The following HSPG2 variants were observed in gnomAD, a reference collection of about 807,000 sequenced individuals.
HSPG2 encodes the protein heparan sulfate proteoglycan 2.
In HSPG2, 278 loss-of-function variants were observed where a neutral mutation model predicts 526.6. That is an observed-to-expected ratio of 0.53 (90% CI 0.48 to 0.58). The LOEUF is 0.58. Ranked by LOEUF, HSPG2 falls within the 20% of genes least tolerant of loss-of-function variation. HSPG2 has a pLI of 0.00. For missense variants in HSPG2, 5,354 were observed against 6,099.5 expected, an observed-to-expected ratio of 0.88 and a Z score of 4.07; for synonymous variants, 2,465 against 2,555.4, an observed-to-expected ratio of 0.96 and a Z score of 1.07.
intron 1 of HSPG2, among the ~76,000 whole-genome samples, chr1:21,912,444 T>G (rs1643728130): frequency 2.0e-5 from 3 of 152,134 alleles, no homozygotes; most frequent in Admixed American, 6.5e-5. Context: ...GAAACCTGCC[T>G]GCAAAAGGTT....
chr1:21,880,688 C>G lies in HSPG2; in HGVS notation c.1966G>C (p.Ala656Pro), dbSNP rs1314104015. The G allele has an allele frequency of 6.3e-7, 1 of 1,599,750 alleles. No individual in the cohort carries two copies. Among genetic ancestry groups the G allele is most frequent in the Non-Finnish European group, 8.5e-7 (1 of 1,173,594 alleles). Residue 656 changes from alanine to proline, a missense_variant, in exon 15 of 97, where the codon GCT becomes CCT. Ala to Pro is a conservative substitution (Grantham distance 27). Transcript: ENST00000374695. ...AACTGGACCTGGCGCTGGTTCAGAG[C>G]ACCAGGTTGGGTGGGTGTGTGGCCT... is the stretch of plus-strand genomic sequence containing the variant. ...SRGHTPTQPG[A>P]LNQRQVQFSE...
At chr1:21,905,192 C>CAT (rs571926256) in intron 1 of HSPG2, among the ~76,000 whole-genome samples, 72 of 151,020 alleles carry the variant, frequency 4.8e-4, no homozygotes, top group African/African-American at 1.7e-3. Flanking sequence ...CACACACACA[C>CAT]ACACACACAC....
At chr1:21,861,640 G>T in intron 39 of HSPG2, 117 bp downstream of exon 39, 1 of 947,546 alleles carries the variant, frequency 1.1e-6, no homozygotes, top group Non-Finnish European at 1.7e-6. Flanking sequence ...AAGTGTTTGA[G>T]GCAGGGAAGG....
At chr1:21,875,075 C>T in intron 25 of HSPG2, 73 bp from the exon 26 acceptor site, 1 of 1,119,320 alleles carries the variant, frequency 8.9e-7, no homozygotes, top group Non-Finnish European at 1.3e-6. Flanking sequence ...CCTCCACTGG[C>T]AGGGTCTTAT....
At position 21,898,934 on chromosome 1, in the gene HSPG2, C is replaced by T. The variant is rs1642933573; in HGVS notation, c.64-2624G>A. Among the ~76,000 whole-genome samples, 5 of 152,302 alleles carry T rather than the reference C, an allele frequency of 3.3e-5. No homozygotes were observed. The highest frequency in any genetic ancestry group is 2.1e-4 in the South Asian group (1 of 4,826). ...TCCCAGGGAGCAGGGAGCTGGTCAG[C>T]GGGTGGCGGCGGGGGTGGCCTTGGG... On this transcript the variant is annotated intron_variant, in intron 1 of 96. Transcript: ENST00000374695. The surrounding 1 kb of genome is among the most constrained non-coding windows in gnomAD (Gnocchi z 4.0).
chr1:21,822,330 A>G lies in HSPG2; in HGVS notation c.*986T>C, dbSNP rs2097953818. On this transcript the variant is annotated 3_prime_UTR_variant, in exon 97 of 97. Transcript: ENST00000374695. Reference sequence around the variant, plus strand: ...TAGGACACAGAGGCCAGGCGTCCCAACCCCACAGTCTGGGGGCCACTGGCA... The same window carrying G: ...TAGGACACAGAGGCCAGGCGTCCCAGCCCCACAGTCTGGGGGCCACTGGCA... The G allele has an allele frequency of 3.8e-6, 4 of 1,051,882 alleles. No individual in the cohort carries two copies. Among genetic ancestry groups the G allele is most frequent in the East Asian group, 4.9e-5 (2 of 40,570 alleles). The allele number at this position is 1,051,882 out of a possible 1,614,324, so 65.2% of individuals were successfully genotyped here.
rs183252901 is a variant in HSPG2 at position 21,878,745 on chromosome 1, A to C, written c.2472-82T>G. ...CCACCCTGGGAAATGACTGCTGTCT[A>C]CACAGACACAGTGTGCCACGAGGCA... On this transcript the variant is annotated intron_variant, in intron 18 of 96. Transcript: ENST00000374695. 5.9e-6 allele frequency: 8 copies of C among 1,346,202 alleles called. No individual in the cohort carries two copies. The East Asian group carries it at 1.8e-4, about 31-fold the overall frequency. 83.4% of individuals were successfully genotyped at this position (1,346,202 alleles called of 1,614,324 possible). A position where few individuals can be genotyped will look rare whatever the true frequency, so the allele number is the denominator to read the frequency against.
At chr1:21,912,754 C>T (rs574338986) in intron 1 of HSPG2, among the ~76,000 whole-genome samples, 122 of 152,164 alleles carry the variant, frequency 8.0e-4, no homozygotes, top group Non-Finnish European at 1.3e-3. Context: ...CCGAGGCAGG[C>T]GGATTACTTA....
chr1:21,839,565 G>A lies in HSPG2; in HGVS notation c.9710-15C>T, dbSNP rs371522212. 2 of 1,613,220 alleles carry A rather than the reference G, an allele frequency of 1.2e-6. No homozygotes were observed. Among genetic ancestry groups the A allele is most frequent in the African/African-American group, 2.7e-5 (2 of 74,898 alleles). ...CGCGGGGCTGCCTGTGGAGTCGAGT[G>A]GAAGATGACAGAAGTCACTGGGCTA... is the stretch of plus-strand genomic sequence containing the variant. On this transcript the variant is annotated splice_polypyrimidine_tract_variant and intron_variant, in intron 72 of 96. Coordinates refer to ENST00000374695, the MANE Select transcript of HSPG2 (RefSeq NM_005529.7). The surrounding 1 kb of genome is among the most constrained non-coding windows in gnomAD (Gnocchi z 4.5).
rs1314373926 is a variant in HSPG2 at position 21,865,461 on chromosome 1, C to G, written c.4315-96G>C. On this transcript the variant is annotated intron_variant, in intron 34 of 96. Transcript: ENST00000374695. This position sits in a 1 kb window ranked among gnomAD's most constrained non-coding sequence, Gnocchi z 5.4. ...TCCTAGATTCTCTGTAACCCCCAGCCTCCCACCTCTCTGCTCTCCCAAGCT... is the reference window on the plus strand; with the variant it reads ...TCCTAGATTCTCTGTAACCCCCAGCGTCCCACCTCTCTGCTCTCCCAAGCT... 1.7e-6 allele frequency: 2 copies of G among 1,176,756 alleles called. No individual in the cohort carries two copies. Among genetic ancestry groups the G allele is most frequent in the African/African-American group, 3.0e-5 (2 of 66,416 alleles). The allele number at this position is 1,176,756 out of a possible 1,614,324, so 72.9% of individuals were successfully genotyped here. A position where few individuals can be genotyped will look rare whatever the true frequency, so the allele number is the denominator to read the frequency against.
chr1:21,833,469 G>C lies in HSPG2; in HGVS notation c.10976C>G (p.Pro3659Arg). The change falls in exon 79 of 97, where the codon CCA (proline) becomes CGA (arginine). Residue 3659 changes from proline (P) to arginine (R), a missense_variant and splice_region_variant. Pro to Arg is a moderately radical substitution (Grantham distance 103, BLOSUM62 -2). Coordinates refer to ENST00000374695, the MANE Select transcript of HSPG2 (RefSeq NM_005529.7). ...KVKAFAHLQV[P>R]ERVVPYFTQT... The stretch of plus-strand genomic sequence containing the variant: ...AATTCTTAGGGGTGGTGTCTTACCT[G>C]GCACCTGCAGGTGGGCAAAGGCTTT... The C allele has an allele frequency of 6.2e-7, 1 of 1,614,166 alleles. No individual in the cohort carries two copies. Among genetic ancestry groups the C allele is most frequent in the South Asian group, 1.1e-5 (1 of 91,076 alleles).
At chr1:21,884,735 C>G in intron 12 of HSPG2, 32 bp downstream of exon 12, 1 of 1,612,178 alleles carries the variant, frequency 6.2e-7, no homozygotes, top group Non-Finnish European at 8.5e-7. Flanking sequence ...GCTCTGCCCC[C>G]ACACCCGGTG....
Position 21,823,334 on chromosome 1 carries a change from T to C in HSPG2, c.13158A>G (p.Thr4386=). 1.3e-6 allele frequency: 2 copies of C among 1,539,792 alleles called. No individual in the cohort carries two copies. The highest frequency in any genetic ancestry group is 8.7e-7 in the Non-Finnish European group (1 of 1,145,566). ...LQHRAQAGAN[T]RPCPS The stretch of plus-strand genomic sequence containing the variant: ...CAGGTGCCTACGAGGGGCAGGGGCG[T>C]GTGTTGGCCCCGGCCTGGGCGCGGT... The change falls in exon 97 of 97, where the codon ACA becomes ACG. Residue 4386 remains threonine (T), a synonymous_variant. Coordinates refer to ENST00000374695, the MANE Select transcript of HSPG2 (RefSeq NM_005529.7).
intron 1 of HSPG2, among the ~76,000 whole-genome samples, chr1:21,925,977 G>A (rs568272108): frequency 1.7e-3 from 265 of 151,978 alleles, no homozygotes; most frequent in African/African-American, 6.1e-3. Context: ...CTACAGGCAT[G>A]AGCCACCACG....
At position 21,850,510 on chromosome 1, in the gene HSPG2, G is replaced by A. The variant is rs751605962; in HGVS notation, c.7159-12C>T. 4 of 1,602,088 alleles carry A rather than the reference G, an allele frequency of 2.5e-6. No homozygotes were observed. In the South Asian group the frequency reaches 3.3e-5, roughly 13 times the overall value. On this transcript the variant is annotated splice_polypyrimidine_tract_variant and intron_variant, in intron 55 of 96. Transcript: ENST00000374695. ...AGGGAGCCGTGGGTCTGGCCAGAAT[G>A]GGGGTGAGTCAGAGGGAGCCCTCAG...
intron 56 of HSPG2, 53 bp from the exon 57 acceptor site, chr1:21,850,245 G>A: frequency 6.2e-7 from 1 of 1,612,018 alleles, no homozygotes; most frequent in Non-Finnish European, 8.5e-7. Flanking sequence ...AGATGAGATG[G>A]GGCTCCTGGT....
rs1264191323 is a variant in HSPG2, at chr1:21,872,444, G to A, written c.4030-67C>T. The A allele has an allele frequency of 1.4e-5, 21 of 1,462,766 alleles. No homozygotes were observed. The highest frequency in any genetic ancestry group is 5.0e-5 in the South Asian group (4 of 79,432). 90.6% of individuals were successfully genotyped at this position (1,462,766 alleles called of 1,614,324 possible). A position where few individuals can be genotyped will look rare whatever the true frequency, so the allele number is the denominator to read the frequency against. On this transcript the variant is annotated intron_variant, in intron 32 of 96. Transcript: ENST00000374695. The surrounding 1 kb of genome is among the most constrained non-coding windows in gnomAD (Gnocchi z 5.5). ...GGTGCCTTGGTGGGGGATGGGGCAC[G>A]GGAGGGTGTTAAGGTGCGGAATGGG...
Position 21,880,399 on chromosome 1 carries a change from G to A in HSPG2, c.2159C>T (p.Thr720Ile). Residue 720 changes from threonine to isoleucine, a missense_variant, in exon 16 of 97, where the codon ACC (threonine) becomes ATC (isoleucine). Coordinates refer to ENST00000374695, the MANE Select transcript of HSPG2 (RefSeq NM_005529.7). ...CACACTGTGGGCACGGCCATGGCTG[G>A]TGGCATGGGTGACGGTGGTATCCAT... The part of the protein sequence containing the change: ...IAMDTTVTHA[T>I]SHGRAHSVEE... 6.2e-7 allele frequency: 1 copy of A among 1,614,128 alleles called. No homozygotes were observed.
rs2152694061 is a variant in HSPG2 at position 21,832,615 on chromosome 1, G to C, written c.11096-9C>G. 6.2e-7 allele frequency: 1 copy of C among 1,610,696 alleles called. No homozygotes were observed. The highest frequency in any genetic ancestry group is 1.7e-5 in the Admixed American group (1 of 60,006). On this transcript the variant is annotated splice_polypyrimidine_tract_variant and intron_variant, in intron 80 of 96. Coordinates refer to ENST00000374695, the MANE Select transcript of HSPG2 (RefSeq NM_005529.7). ...ATTGTACAGCAGCATCCCTGGGTGG[G>C]CACCACTGTGTAAGGGGCCCCCTTC...
Sources: gnomAD v4.1 joint callset for allele counts (sites outside exome capture counted in the v4.1 genomes callset) on GRCh38, gnomAD v4.1.1 for gene constraint, Gnocchi (gnomAD v3.1) non-coding constraint, MANE v1.5 for transcripts, NCBI Gene and HGNC (gene_info 2026-07-23, HGNC 2026-07-21) for gene names.